Variants in GPC5 observed in about 807,000 individuals in gnomAD.
GPC5 encodes the protein glypican-5.
GPC5 carries 47 observed loss-of-function variants against 53.9 expected under a neutral mutation model. That is an observed-to-expected ratio of 0.87 (90% CI 0.69 to 1.11). The LOEUF (loss-of-function observed/expected upper bound fraction) is 1.11, where lower values mean the gene tolerates loss of function less well. Ranked by LOEUF, GPC5 falls within the 50% of genes most tolerant of loss-of-function variation. The pLI, the probability that GPC5 is intolerant of heterozygous loss-of-function variation, is 0.00. For missense variants in GPC5, 748 were observed against 713.1 expected, an observed-to-expected ratio of 1.05 and a Z score of -0.56; for synonymous variants, 286 against 263.3, an observed-to-expected ratio of 1.09 and a Z score of -0.84.
chr13:92,558,784 A>G (rs1882591803), intron 7 of GPC5, among the ~76,000 whole-genome samples: 7 of 152,004 alleles, frequency 4.6e-5, no homozygotes. Flanking sequence ...AGTAATAGAA[A>G]AAAAGATAAA....
At chr13:91,582,257 C>T (rs941345795) in intron 2 of GPC5, among the ~76,000 whole-genome samples, 1 of 152,164 alleles carries the variant, frequency 6.6e-6, no homozygotes, top group Non-Finnish European at 1.5e-5. Context: ...AGAACAATCT[C>T]AGTTCCTGAT....
intron 7 of GPC5, among the ~76,000 whole-genome samples, chr13:92,327,800 A>G (rs993883222): frequency 1.3e-5 from 2 of 152,132 alleles, no homozygotes; most frequent in Non-Finnish European, 2.9e-5. Flanking sequence ...TCTCCAAACC[A>G]CATTTCTTGC....
chr13:92,491,475 CAT>C (rs898638597), intron 7 of GPC5, among the ~76,000 whole-genome samples: 1 of 152,044 alleles, frequency 6.6e-6, no homozygotes, highest in Non-Finnish European at 1.5e-5. Flanking sequence ...GCTATAGAAA[CAT>C]ATTTGATCAA....
chr13:92,363,647 G>A (rs200040314), intron 7 of GPC5, among the ~76,000 whole-genome samples: 12 of 151,720 alleles, frequency 7.9e-5, no homozygotes, highest in Non-Finnish European at 1.3e-4. Context: ...GGGGGTTTGG[G>A]GGACCCATAC....
intron 6 of GPC5, among the ~76,000 whole-genome samples, chr13:92,040,284 T>C (rs1044865799): frequency 1.3e-5 from 2 of 152,208 alleles, no homozygotes; most frequent in African/African-American, 4.8e-5. Flanking sequence ...CCCAAAGAGG[T>C]GCACGTTAAG....
chr13:92,512,682 G>A (rs1220277677), intron 7 of GPC5, among the ~76,000 whole-genome samples: 1 of 152,130 alleles, frequency 6.6e-6, no homozygotes, highest in Non-Finnish European at 1.5e-5. Flanking sequence ...GAGAAGGGAA[G>A]GGTTCACATT....
chr13:91,865,690 T>C (rs1011270780), intron 5 of GPC5, among the ~76,000 whole-genome samples: 2 of 152,078 alleles, frequency 1.3e-5, no homozygotes, highest in Admixed American at 1.3e-4. Flanking sequence ...TTAAACAATT[T>C]TGCTTTTCCT....
intron 7 of GPC5, among the ~76,000 whole-genome samples, chr13:92,461,310 T>TTA (rs1184581501): frequency 6.6e-6 from 1 of 152,152 alleles, no homozygotes; most frequent in Non-Finnish European, 1.5e-5. Context: ...AGGCATGAGA[T>TTA]TATAATAAAT....
At chr13:91,436,758 C>T (rs976648331) in intron 1 of GPC5, among the ~76,000 whole-genome samples, 3 of 152,066 alleles carry the variant, frequency 2.0e-5, no homozygotes, top group Admixed American at 1.3e-4. Context: ...CTTTCTGTGT[C>T]GTTGATCTGT....
chr13:92,029,641 GA>G (rs1334392729), intron 6 of GPC5, among the ~76,000 whole-genome samples: 1 of 152,160 alleles, frequency 6.6e-6, no homozygotes, highest in African/African-American at 2.4e-5. Context: ...AGGAGAGTGT[GA>G]TTTACTATGC....
At chr13:92,848,781 G>C (rs535745497) in intron 7 of GPC5, among the ~76,000 whole-genome samples, 219 of 135,748 alleles carry the variant, frequency 1.6e-3, no homozygotes, top group Non-Finnish European at 3.1e-3. Flanking sequence ...CATGATTGTT[G>C]TTAGATGGAT....
intron 2 of GPC5, among the ~76,000 whole-genome samples, chr13:91,657,302 G>T (rs1048028639): frequency 3.9e-5 from 6 of 152,120 alleles, no homozygotes; most frequent in Admixed American, 2.0e-4. Flanking sequence ...GTAAAGGAAA[G>T]GGAGAAATCC....
chr13:92,343,650 T>C (rs2043385644), intron 7 of GPC5, among the ~76,000 whole-genome samples: 2 of 152,092 alleles, frequency 1.3e-5, no homozygotes, highest in Admixed American at 1.3e-4. Flanking sequence ...TAGCATAATT[T>C]TTATAAAATT....
intron 2 of GPC5, among the ~76,000 whole-genome samples, chr13:91,547,647 G>T (rs9515937): frequency 0.44 from 66,763 of 151,628 alleles, 17,957 homozygotes; most frequent in East Asian, 0.7. Context: ...TATGAGGCTA[G>T]CTAGCATCAC....
intron 7 of GPC5, among the ~76,000 whole-genome samples, chr13:92,628,216 T>C (rs1031877218): frequency 3.3e-5 from 5 of 150,576 alleles, no homozygotes; most frequent in Non-Finnish European, 7.4e-5. Flanking sequence ...TCTTTTTAAA[T>C]CTATTCTTGA....
At chr13:92,428,325 T>A (rs1876929090) in intron 7 of GPC5, among the ~76,000 whole-genome samples, 1 of 152,106 alleles carries the variant, frequency 6.6e-6, no homozygotes, top group Admixed American at 6.6e-5. Flanking sequence ...AATTGAATTA[T>A]CTCTGAAAGC....
intron 7 of GPC5, among the ~76,000 whole-genome samples, chr13:92,662,217 C>T (rs551380070): frequency 6.6e-6 from 1 of 152,176 alleles, no homozygotes; most frequent in East Asian, 1.9e-4. Context: ...CACTTGAGCA[C>T]AAAACCCCCA....
At chr13:92,683,645 A>G (rs1341896845) in intron 7 of GPC5, among the ~76,000 whole-genome samples, 1 of 152,178 alleles carries the variant, frequency 6.6e-6, no homozygotes, top group Admixed American at 6.5e-5. Flanking sequence ...ATTGCATTTC[A>G]GTGTTGTTAT....
chr13:92,174,066 C>G (rs768171325), intron 7 of GPC5, among the ~76,000 whole-genome samples: 1 of 152,032 alleles, frequency 6.6e-6, no homozygotes, highest in East Asian at 1.9e-4. Flanking sequence ...GGTGAAACCA[C>G]TGCACTCTAG....
Sources: gnomAD v4.1 joint callset for allele counts (sites outside exome capture counted in the v4.1 genomes callset) on GRCh38, gnomAD v4.1.1 for gene constraint, MANE v1.5 for transcripts, NCBI Gene and HGNC (gene_info 2026-07-23, HGNC 2026-07-21) for gene names.